Variants in ACYP2 observed in about 807,000 individuals in gnomAD.
The protein encoded by ACYP2 is acylphosphatase-2.
In ACYP2, 12 loss-of-function variants were observed where a neutral mutation model predicts 11.2. The ratio of observed to expected loss-of-function variants is 1.08; its 90% CI spans 0.69 to 1.74. ACYP2 has a LOEUF of 1.74. Among genes scored for constraint, ACYP2 ranks in the 40% most tolerant of loss-of-function variants. The pLI, the probability that ACYP2 is intolerant of heterozygous loss-of-function variation, is 0.00. For missense variants in ACYP2, 134 were observed against 101.9 expected, an observed-to-expected ratio of 1.31 and a Z score of -1.35; for synonymous variants, 43 against 32.2, an observed-to-expected ratio of 1.33 and a Z score of -1.13.
intron 2 of ACYP2, among the ~76,000 whole-genome samples, chr2:54,010,737 C>CTTTTTTTTTTTT (rs539896151): frequency 4.6e-5 from 5 of 107,664 alleles, no homozygotes; most frequent in African/African-American, 1.1e-4. Context: ...TTCTTTCTTT[C>CTTTTTTTTTTTT]TTTTTTTTTT....
At chr2:54,143,526 T>C (rs2103793969) in intron 6 of ACYP2, among the ~76,000 whole-genome samples, 1 of 152,220 alleles carries the variant, frequency 6.6e-6, no homozygotes, top group Middle Eastern at 3.4e-3. Context: ...CTCTGCCTCC[T>C]GGGTTCAAGC....
chr2:54,032,101 CT>C (rs1674616043), intron 2 of ACYP2, among the ~76,000 whole-genome samples: 1 of 152,138 alleles, frequency 6.6e-6, no homozygotes, highest in African/African-American at 2.4e-5. Context: ...ATGGTATTTT[CT>C]TTTGCTGTGC....
At chr2:54,069,105 A>AT (rs1282555575) in intron 4 of ACYP2, among the ~76,000 whole-genome samples, 1 of 151,716 alleles carries the variant, frequency 6.6e-6, no homozygotes, top group Non-Finnish European at 1.5e-5. Flanking sequence ...TTTTTTAAAC[A>AT]TTTTTTGTAG....
chr2:54,225,163 G>T (rs1043507868), intron 6 of ACYP2, among the ~76,000 whole-genome samples: 11 of 152,158 alleles, frequency 7.2e-5, no homozygotes, highest in African/African-American at 2.7e-4. Flanking sequence ...TACACACCAT[G>T]ACAAGAAACA....
chr2:54,138,622 G>C lies in ACYP2; in HGVS notation c.295-17G>C. The C allele has an allele frequency of 6.3e-7, 1 of 1,593,700 alleles. No individual in the cohort carries two copies. The highest frequency in any genetic ancestry group is 1.1e-5 in the South Asian group (1 of 89,180). On this transcript the variant is annotated splice_polypyrimidine_tract_variant and intron_variant, in intron 5 of 6. Transcript: ENST00000607452. ...TTTGATGCTGCACTTTATTCTTCTT[G>C]TTTTTTCCTGAAACAGTATACAGAA... is the stretch of plus-strand genomic sequence containing the variant.
At chr2:53,987,091 C>A (rs1672072735) in intron 2 of ACYP2, among the ~76,000 whole-genome samples, 1 of 152,090 alleles carries the variant, frequency 6.6e-6, no homozygotes, top group African/African-American at 2.4e-5. Context: ...CACACAAGAG[C>A]ATGTTCTGTA....
intron 2 of ACYP2, among the ~76,000 whole-genome samples, chr2:53,978,912 G>T (rs1445792206): frequency 2.0e-5 from 3 of 151,692 alleles, no homozygotes; most frequent in Admixed American, 1.3e-4. Context: ...GACAGAGTAA[G>T]ACCTCATCTC....
intron 2 of ACYP2, among the ~76,000 whole-genome samples, chr2:53,993,793 G>A (rs1196958015): frequency 2.6e-5 from 4 of 152,186 alleles, no homozygotes; most frequent in African/African-American, 9.6e-5. Context: ...GTTGGGAGTA[G>A]AGGGTTGTGG....
intron 6 of ACYP2, among the ~76,000 whole-genome samples, chr2:54,175,481 G>C (rs1480059587): frequency 6.6e-6 from 1 of 151,692 alleles, no homozygotes; most frequent in Non-Finnish European, 1.5e-5. Flanking sequence ...CAAAAAACAA[G>C]CTCCTGGATT....
chr2:54,224,990 G>C lies in ACYP2; in HGVS notation c.405-79698G>C, dbSNP rs561779019. On this transcript the variant is annotated intron_variant, in intron 6 of 6. Coordinates refer to ENST00000607452, the MANE Select transcript of ACYP2 (RefSeq NM_001320586.2). ...TCATTCCAGCAGTATGGCTGGAAAT[G>C]AATAATCTTCAAATCCTGAGCAGTT... Among the ~76,000 whole-genome samples, 12 of 152,326 alleles carry C rather than the reference G, an allele frequency of 7.9e-5. No individual in the cohort carries two copies. In the South Asian group the frequency reaches 1.5e-3, roughly 18 times the overall value.
intron 2 of ACYP2, among the ~76,000 whole-genome samples, chr2:54,022,294 G>A (rs1207893344): frequency 6.6e-6 from 1 of 151,966 alleles, no homozygotes; most frequent in Non-Finnish European, 1.5e-5. Context: ...CCCAAAATAT[G>A]GTGACCTGTT....
intron 2 of ACYP2, among the ~76,000 whole-genome samples, chr2:54,011,579 G>A (rs1673373818): frequency 6.6e-6 from 1 of 152,084 alleles, no homozygotes; most frequent in Admixed American, 6.6e-5. Context: ...GCATTTTGGG[G>A]AACCTTTTTA....
chr2:54,283,126 T>C (rs545009701), intron 6 of ACYP2, among the ~76,000 whole-genome samples: 93 of 152,362 alleles, frequency 6.1e-4, no homozygotes, highest in Non-Finnish European at 1.1e-3. Context: ...TTTATCCTAA[T>C]GCACGAATGA....
chr2:54,153,862 A>C (rs1030661998), intron 6 of ACYP2, among the ~76,000 whole-genome samples: 2 of 151,966 alleles, frequency 1.3e-5, no homozygotes, highest in African/African-American at 4.8e-5. Flanking sequence ...GGCCTCCCAA[A>C]GTGCTGGGAT....
chr2:54,139,313 C>CA (rs1681462109), intron 6 of ACYP2, among the ~76,000 whole-genome samples: 1 of 152,186 alleles, frequency 6.6e-6, no homozygotes, highest in South Asian at 2.1e-4. Context: ...CTCCTTTTTA[C>CA]AGTTAAGTGC....
chr2:54,251,023 C>T (rs1045359213), intron 6 of ACYP2, among the ~76,000 whole-genome samples: 1 of 152,190 alleles, frequency 6.6e-6, no homozygotes, highest in South Asian at 2.1e-4. Context: ...CCCTGTTGAA[C>T]AGCATAAAAA....
At chr2:54,237,797 C>T (rs1686554897) in intron 6 of ACYP2, among the ~76,000 whole-genome samples, 1 of 152,084 alleles carries the variant, frequency 6.6e-6, no homozygotes, top group South Asian at 2.1e-4. Context: ...CCAATTTTTG[C>T]AAAGTCTCAG....
At chr2:54,156,262 A>G (rs1482859458) in intron 6 of ACYP2, among the ~76,000 whole-genome samples, 1 of 152,096 alleles carries the variant, frequency 6.6e-6, no homozygotes, top group Non-Finnish European at 1.5e-5. Context: ...CATGAAATAT[A>G]TATATATTTT....
intron 2 of ACYP2, among the ~76,000 whole-genome samples, chr2:53,988,544 G>C (rs571615488): frequency 6.6e-6 from 1 of 152,034 alleles, no homozygotes; most frequent in East Asian, 1.9e-4. Flanking sequence ...GGGACCACAG[G>C]CATGTGCCAC....
Sources: allele counts gnomAD v4.1 joint callset (sites outside exome capture counted in the v4.1 genomes callset), GRCh38; gene constraint gnomAD v4.1.1; transcripts MANE v1.5; gene names NCBI Gene and HGNC (gene_info 2026-07-23, HGNC 2026-07-21).